The following SPATA22 variants were observed in gnomAD, a reference collection of about 807,000 sequenced individuals.
SPATA22 encodes spermatogenesis associated 22.
A neutral mutation model predicts 47.8 loss-of-function variants in SPATA22; 29 were observed. The ratio of observed to expected loss-of-function variants is 0.61; its 90% CI spans 0.45 to 0.83. SPATA22 has a LOEUF of 0.83. SPATA22 is among the 40% of genes least tolerant of loss of function. The pLI, the probability that SPATA22 is intolerant of heterozygous loss-of-function variation, is 0.00. For missense variants in SPATA22, 410 were observed against 421.7 expected (o/e 0.97, Z 0.24); for synonymous variants, 133 against 140.9 (o/e 0.94, Z 0.40).
intron 1 of SPATA22, chr17:3,494,459 G>A (rs2073877430): frequency 1.3e-6 from 2 of 1,593,406 alleles, no homozygotes; most frequent in African/African-American, 1.3e-5. Context: ...CTAATCTGCA[G>A]GTAACATTTG....
intron 5 of SPATA22, 140 bp from the exon 6 acceptor site, chr17:3,449,289 C>T: frequency 3.3e-6 from 2 of 615,276 alleles, no homozygotes; most frequent in South Asian, 4.4e-5. Context: ...ATTCCAAATA[C>T]ATCACAACAA....
At chr17:3,494,577 C>T in intron 1 of SPATA22, 2 of 840,914 alleles carry the variant, frequency 2.4e-6, no homozygotes, top group Non-Finnish European at 4.0e-6. Flanking sequence ...TCATTAGACA[C>T]TGAGTGTAGA....
At chr17:3,497,635 C>T (rs757222624) in intron 1 of SPATA22, among the ~76,000 whole-genome samples, 8 of 152,170 alleles carry the variant, frequency 5.3e-5, no homozygotes, top group Non-Finnish European at 1.0e-4. Context: ...ACATCCCAAG[C>T]GATCATAATG....
At chr17:3,450,254 G>C (rs920836566) in intron 5 of SPATA22, among the ~76,000 whole-genome samples, 3 of 152,164 alleles carry the variant, frequency 2.0e-5, no homozygotes, top group Non-Finnish European at 2.9e-5. Context: ...AATCCAAAAA[G>C]AGGTCTAGGT....
intron 5 of SPATA22, among the ~76,000 whole-genome samples, chr17:3,453,874 C>G (rs911365717): frequency 2.5e-4 from 38 of 152,112 alleles, no homozygotes; most frequent in African/African-American, 9.2e-4. Context: ...GAAGTCCTAG[C>G]CAATCAATTA....
chr17:3,443,104 C>A, intron 8 of SPATA22, 70 bp downstream of exon 8: 1 of 1,039,464 alleles, frequency 9.6e-7, no homozygotes, highest in Non-Finnish European at 1.4e-6. Context: ...TATATTTCAA[C>A]TGAATTATAG....
intron 7 of SPATA22, among the ~76,000 whole-genome samples, chr17:3,443,814 A>G (rs984192799): frequency 6.6e-6 from 1 of 151,928 alleles, no homozygotes; most frequent in Non-Finnish European, 1.5e-5. Flanking sequence ...ATACCTATAT[A>G]TAGTGAAATC....
rs1210351396 is a variant in SPATA22 at position 3,490,640 on chromosome 17, G to C, written c.-73-21242C>G. On this transcript the variant is annotated intron_variant, in intron 1 of 8. Coordinates refer to the SPATA22 transcript ENST00000541913. The surrounding 1 kb of genome is among the most constrained non-coding windows in gnomAD (Gnocchi z 4.6). ...TTTGCTTTTTACCATCTTTGTCTGA[G>C]GGCAGGTTCTATACTGTCTAATGGA... 1.3e-5 allele frequency among the ~76,000 whole-genome samples: 2 copies of C among 152,160 alleles called. No homozygotes were observed. The highest frequency in any genetic ancestry group is 2.4e-5 in the African/African-American group (1 of 41,432).
intron 5 of SPATA22, among the ~76,000 whole-genome samples, chr17:3,454,316 A>G (rs902797953): frequency 1.3e-5 from 2 of 151,040 alleles, no homozygotes; most frequent in African/African-American, 4.9e-5. Context: ...TATTATTATT[A>G]TACTTTAAGT....
chr17:3,457,274 C>T (rs994184869), intron 5 of SPATA22, among the ~76,000 whole-genome samples: 15 of 151,716 alleles, frequency 9.9e-5, no homozygotes, highest in Middle Eastern at 3.2e-3. Flanking sequence ...TGTTTGCAGA[C>T]GACATGATTG....
intron 1 of SPATA22, among the ~76,000 whole-genome samples, chr17:3,494,793 A>G (rs889987699): frequency 1.5e-4 from 23 of 152,336 alleles, no homozygotes; most frequent in South Asian, 1.5e-3. Context: ...AGACAAGGCC[A>G]CTTAGAGAAA....
exon 1 of SPATA22, chr17:3,513,669 A>G: frequency 2.4e-6 from 1 of 411,502 alleles, no homozygotes; most frequent in African/African-American, 2.0e-5. Flanking sequence ...CAGGCTCCAG[A>G]CTGCTGCTGG....
intron 1 of SPATA22, chr17:3,489,449 A>T: frequency 3.2e-6 from 3 of 947,942 alleles, no homozygotes; most frequent in Non-Finnish European, 5.0e-6. Context: ...GTGCTTTTTA[A>T]AATTTTTATT....
chr17:3,446,688 C>G, intron 6 of SPATA22, 87 bp from the exon 7 acceptor site: 1 of 1,075,276 alleles, frequency 9.3e-7, no homozygotes, highest in South Asian at 1.8e-5. Context: ...AATTCTAAGT[C>G]CTTACAATGG....
At position 3,451,950 on chromosome 17, in the gene SPATA22, TA is replaced by T. The variant is rs1322872514; in HGVS notation, c.330-2802del. ...CGACAGAGCGAGACTCTGTCTCAAT[TA>T]AAAAAAAAAAAAAGAAAACCAGAAA... On this transcript the variant is annotated intron_variant, in intron 5 of 8. Transcript: ENST00000572969. Among the ~76,000 whole-genome samples, 941 of 126,386 alleles carry T rather than the reference TA, an allele frequency of 7.4e-3. 2 individuals carry two copies. Among genetic ancestry groups the T allele is most frequent in the African/African-American group, 0.012 (397 of 34,292 alleles). 82.9% of individuals were successfully genotyped at this position (126,386 alleles called of 152,430 possible). A position where few individuals can be genotyped will look rare whatever the true frequency, so the allele number is the denominator to read the frequency against.
At position 3,499,041 on chromosome 17, in the gene SPATA22, A is replaced by G. The variant is rs775163203; in HGVS notation, c.-74+14371T>C. The G allele has an allele frequency of 3.1e-6, 5 of 1,614,188 alleles. No homozygotes were observed. The Admixed American group carries it at 5.0e-5, about 16-fold the overall frequency. ...AAAGAAAGAAGCTTTTGCAAAGACA[A>G]CTAAACTAACGCTCAATGCAAAAAG... On this transcript the variant is annotated intron_variant, in intron 1 of 8. Coordinates refer to the SPATA22 transcript ENST00000541913.
chr17:3,468,745 C>T (rs2073364340), intron 2 of SPATA22: 1 of 192,224 alleles, frequency 5.2e-6, no homozygotes, highest in African/African-American at 2.4e-5. Flanking sequence ...TTATAATAAC[C>T]TATCTCAGGG....
chr17:3,511,986 T>C (rs1324604408), intron 1 of SPATA22: 1 of 152,232 alleles, frequency 6.6e-6, no homozygotes, highest in South Asian at 2.1e-4. Context: ...TAACTCCAGA[T>C]GTGGAATGCT....
At chr17:3,466,098 C>T (rs1358132181) in intron 3 of SPATA22, among the ~76,000 whole-genome samples, 1 of 151,232 alleles carries the variant, frequency 6.6e-6, no homozygotes, top group Non-Finnish European at 1.5e-5. Context: ...TAAATTTCTT[C>T]AAATATATCT....
Sources: allele counts gnomAD v4.1 joint callset (sites outside exome capture counted in the v4.1 genomes callset), GRCh38; gene constraint gnomAD v4.1.1; non-coding constraint Gnocchi (gnomAD v3.1); transcripts MANE v1.5; gene names NCBI Gene and HGNC (gene_info 2026-07-23, HGNC 2026-07-21).